EFCAB14: variants seen among roughly 807,000 people sequenced by gnomAD.
EFCAB14 encodes the protein EF-hand calcium-binding domain-containing protein 14.
In EFCAB14, 43 loss-of-function variants were observed where a neutral mutation model predicts 56.5. The ratio of observed to expected loss-of-function variants is 0.76; its 90% CI spans 0.60 to 0.98. The LOEUF (loss-of-function observed/expected upper bound fraction) is 0.98, where lower values mean the gene tolerates loss of function less well. Ranked by LOEUF, EFCAB14 falls within the 50% of genes least tolerant of loss-of-function variation. The probability of loss-of-function intolerance (pLI) is 0.00; values close to 1 mark genes in which losing one functional copy is unlikely to be tolerated. For missense variants in EFCAB14, 538 were observed against 580.3 expected (o/e 0.93, Z 0.75); for synonymous variants, 235 against 212.9 (o/e 1.10, Z -0.90).
At chr1:46,704,700 C>T (rs996926493) in intron 3 of EFCAB14, among the ~76,000 whole-genome samples, 1 of 152,020 alleles carries the variant, frequency 6.6e-6, no homozygotes, top group Admixed American at 6.6e-5. Context: ...GAATCCAAAG[C>T]CTAGCTCCAT....
At chr1:46,713,226 A>C (rs1557451638) in intron 2 of EFCAB14, among the ~76,000 whole-genome samples, 3 of 152,274 alleles carry the variant, frequency 2.0e-5, no homozygotes, top group East Asian at 3.9e-4. Flanking sequence ...CCTGCTTTGC[A>C]ATGTCAGGAA....
intron 2 of EFCAB14, among the ~76,000 whole-genome samples, chr1:46,713,854 T>A (rs935784231): frequency 9.9e-5 from 15 of 152,158 alleles, no homozygotes; most frequent in African/African-American, 3.6e-4. Flanking sequence ...AATTTCCAAG[T>A]TATGCTTACT....
At chr1:46,688,312 C>G (rs756196799) in intron 7 of EFCAB14, 41 bp downstream of exon 7, 1 of 1,587,204 alleles carries the variant, frequency 6.3e-7, no homozygotes, top group East Asian at 2.2e-5. Flanking sequence ...CATGCACAGA[C>G]AAAACACACT....
chr1:46,705,940 C>T (rs1677227391), intron 3 of EFCAB14, among the ~76,000 whole-genome samples: 1 of 151,790 alleles, frequency 6.6e-6, no homozygotes, highest in Non-Finnish European at 1.5e-5. Context: ...TTACAGCTCA[C>T]TGCAGCTTCA....
chr1:46,711,175 A>C (rs1414775356), intron 2 of EFCAB14, among the ~76,000 whole-genome samples: 1 of 152,182 alleles, frequency 6.6e-6, no homozygotes. Flanking sequence ...TTAATGTAGC[A>C]CTTGATTTAC....
At chr1:46,690,674 A>G (rs925507207) in intron 5 of EFCAB14, among the ~76,000 whole-genome samples, 1 of 152,204 alleles carries the variant, frequency 6.6e-6, no homozygotes, top group African/African-American at 2.4e-5. Flanking sequence ...GGTCTTTGTT[A>G]CTATGGGTCA....
chr1:46,718,143 A>T lies in EFCAB14; in HGVS notation c.-56T>A, dbSNP rs1224294170. 1 of 1,571,246 alleles carries T rather than the reference A, an allele frequency of 6.4e-7. No individual in the cohort carries two copies. The highest frequency in any genetic ancestry group is 8.7e-7 in the Non-Finnish European group (1 of 1,151,792). ...TCCTGAGCTGCCAGGTTCGTACCCG[A>T]TGCCCAATTCTCTTCCTGCCTTGGA... On this transcript the variant is annotated 5_prime_UTR_variant, in exon 1 of 11. Transcript: ENST00000371933.
chr1:46,701,770 T>G (rs1053813789), intron 3 of EFCAB14, among the ~76,000 whole-genome samples: 17 of 152,234 alleles, frequency 1.1e-4, no homozygotes, highest in African/African-American at 3.6e-4. Flanking sequence ...CCATTAACTT[T>G]CCAGGTACCA....
intron 10 of EFCAB14, among the ~76,000 whole-genome samples, chr1:46,681,861 T>C (rs11211339): frequency 0.38 from 57,825 of 151,740 alleles, 12,602 homozygotes; most frequent in Non-Finnish European, 0.5. Flanking sequence ...ACCTAATAGC[T>C]TTCCCCCATT....
intron 2 of EFCAB14, 42 bp downstream of exon 2, chr1:46,716,248 CAAAAA>C (rs10718376): frequency 0.013 from 13,359 of 1,040,908 alleles, no homozygotes; most frequent in East Asian, 0.023. Flanking sequence ...GACCCTGTCT[CAAAAA>C]AAAAAAAAAA....
At position 46,688,514 on chromosome 1, in the gene EFCAB14, C is replaced by T. The variant is rs560791148; in HGVS notation, c.826G>A (p.Glu276Lys). The stretch of plus-strand genomic sequence containing the variant: ...TACCCCACTAGGGCACTGTTTACCT[C>T]CTCTAAAGAGTTGTGAAGGTACAGG... Reference protein sequence around the residue: ...DILYLHNSLEEVNSALVGYQR... With the variant: ...DILYLHNSLEKVNSALVGYQR... Residue 276 changes from glutamate (E) to lysine (K), a missense_variant, in exon 7 of 11, where the codon GAG becomes AAG. Transcript: ENST00000371933. The T allele has an allele frequency of 1.2e-6, 2 of 1,613,630 alleles. No homozygotes were observed. Among genetic ancestry groups the T allele is most frequent in the East Asian group, 2.2e-5 (1 of 44,876 alleles).
At chr1:46,682,012 G>T (rs1361232931) in intron 10 of EFCAB14, among the ~76,000 whole-genome samples, 2 of 151,960 alleles carry the variant, frequency 1.3e-5, no homozygotes, top group African/African-American at 4.8e-5. Context: ...CATTTAAATG[G>T]TGATAGAAAA....
At chr1:46,692,447 C>T (rs1331977760) in intron 4 of EFCAB14, among the ~76,000 whole-genome samples, 2 of 152,206 alleles carry the variant, frequency 1.3e-5, no homozygotes, top group Non-Finnish European at 2.9e-5. Context: ...TATAGACATT[C>T]CCCTTTATCA....
At chr1:46,702,558 G>A (rs1243656351) in intron 3 of EFCAB14, among the ~76,000 whole-genome samples, 2 of 152,180 alleles carry the variant, frequency 1.3e-5, no homozygotes, top group Non-Finnish European at 2.9e-5. Context: ...GTAAAATGGA[G>A]AGAACACCTC....
At position 46,696,602 on chromosome 1, in the gene EFCAB14, CT is replaced by C. The variant is rs1677081504; in HGVS notation, c.527del (p.Lys176SerfsTer6). On this transcript the variant is annotated frameshift_variant, in exon 4 of 11. Coordinates refer to ENST00000371933, the MANE Select transcript of EFCAB14 (RefSeq NM_014774.3). LOFTEE classifies it high-confidence loss of function. ...SAVNHLKANV[K>X]SAADLISLPT... is the part of the protein sequence containing the mutation. ...GCAGGCTAATCAAGTCTGCAGCTGA[CT>C]TAACATTGGCTTTGAGGTGGTTCAC... is the stretch of plus-strand genomic sequence containing the variant. 1 of 1,613,728 alleles carries C rather than the reference CT, an allele frequency of 6.2e-7. No individual in the cohort carries two copies. The highest frequency in any genetic ancestry group is 1.7e-5 in the Admixed American group (1 of 59,998).
intron 3 of EFCAB14, among the ~76,000 whole-genome samples, chr1:46,703,737 TGA>T (rs1381139480): frequency 6.6e-6 from 1 of 152,212 alleles, no homozygotes; most frequent in African/African-American, 2.4e-5. Context: ...GTTTACAGTA[TGA>T]GAGCTGAACC....
intron 9 of EFCAB14, chr1:46,684,179 A>C (rs1305930443): frequency 1.2e-5 from 3 of 248,126 alleles, no homozygotes; most frequent in Non-Finnish European, 2.3e-5. Context: ...AGACTCTCAT[A>C]AACAACTTTT....
At chr1:46,682,257 C>G (rs928895919) in intron 10 of EFCAB14, 2 of 152,142 alleles carry the variant, frequency 1.3e-5, no homozygotes, top group Non-Finnish European at 2.9e-5. Flanking sequence ...CTAATCCAGT[C>G]ACTGGAGGTA....
chr1:46,689,042 A>G (rs769212068), intron 6 of EFCAB14, among the ~76,000 whole-genome samples: 7 of 152,214 alleles, frequency 4.6e-5, no homozygotes, highest in Non-Finnish European at 8.8e-5. Flanking sequence ...AAAAAGAATG[A>G]TAACTATAGG....
Sources: allele counts gnomAD v4.1 joint callset (sites outside exome capture counted in the v4.1 genomes callset), GRCh38; gene constraint gnomAD v4.1.1; transcripts MANE v1.5; gene names NCBI Gene and HGNC (gene_info 2026-07-23, HGNC 2026-07-21).